CFAP54: variants seen among roughly 807,000 people sequenced by gnomAD.
CFAP54 encodes the protein cilia- and flagella-associated protein 54.
In CFAP54, 290 loss-of-function variants were observed where a neutral mutation model predicts 370.4. The ratio of observed to expected loss-of-function variants is 0.78; its 90% CI spans 0.71 to 0.86. The LOEUF is 0.86. CFAP54 is among the 40% of genes least tolerant of loss of function. The pLI, the probability that CFAP54 is intolerant of heterozygous loss-of-function variation, is 0.00. For missense variants in CFAP54, 3,399 were observed against 3,528.7 expected (o/e 0.96, Z 0.93); for synonymous variants, 1,206 against 1,236.5 (o/e 0.98, Z 0.52).
chr12:96,732,897 CA>C (rs1182844706), intron 50 of CFAP54, among the ~76,000 whole-genome samples: 1 of 152,060 alleles, frequency 6.6e-6, no homozygotes, highest in Admixed American at 6.5e-5. Context: ...AGAGCAACAG[CA>C]GCCCTAGAAA....
chr12:96,501,578 A>G lies in CFAP54; in HGVS notation c.423+639A>G, dbSNP rs549510293. Among the ~76,000 whole-genome samples the G allele has an allele frequency of 7.2e-5, 11 of 152,282 alleles. No homozygotes were observed. In the South Asian group the frequency reaches 2.3e-3, roughly 32 times the overall value. On this transcript the variant is annotated intron_variant, in intron 2 of 67. Transcript: ENST00000524981. ...CACAGCATGGCTGGGTTTTCCATTA[A>G]TGATCATGTGAGTTTCCCCCTTAAA...
chr12:96,638,434 C>T (rs185992557), intron 32 of CFAP54, among the ~76,000 whole-genome samples: 9 of 151,156 alleles, frequency 6.0e-5, no homozygotes, highest in South Asian at 2.1e-4. Context: ...GAGATGGCCT[C>T]GCTATGTTGC....
chr12:96,826,401 A>C (rs937653911), intron 65 of CFAP54, among the ~76,000 whole-genome samples: 5 of 124,786 alleles, frequency 4.0e-5, no homozygotes, highest in African/African-American at 1.2e-4. Context: ...ATATATATTC[A>C]ATATATATAA....
chr12:96,588,026 A>G (rs1362968347), intron 22 of CFAP54, among the ~76,000 whole-genome samples: 3 of 152,228 alleles, frequency 2.0e-5, no homozygotes, highest in Non-Finnish European at 2.9e-5. Flanking sequence ...AAATACAGCA[A>G]TGCACATAAA....
rs746552488 is a variant in CFAP54 at position 96,684,618 on chromosome 12, A to G, written c.5717-30A>G. 8 of 1,551,760 alleles carry G rather than the reference A, an allele frequency of 5.2e-6. 1 individual carries two copies. The East Asian group carries it at 9.0e-5, about 17-fold the overall frequency. ...AAAAAATATTTTTCTAGGAACTGAC[A>G]TTTGTTCTTTTACTTGATTAAAAAT... On this transcript the variant is annotated intron_variant, in intron 40 of 67. Transcript: ENST00000524981.
intron 63 of CFAP54, among the ~76,000 whole-genome samples, chr12:96,809,541 TTCTA>T (rs1160585345): frequency 1.1e-4 from 17 of 152,226 alleles, no homozygotes; most frequent in African/African-American, 3.6e-4. Context: ...GTTGTCTTTC[TTCTA>T]TCTGAGGATA....
chr12:96,723,160 A>G (rs1957779552), intron 50 of CFAP54, among the ~76,000 whole-genome samples: 1 of 152,210 alleles, frequency 6.6e-6, no homozygotes, highest in Non-Finnish European at 1.5e-5. Flanking sequence ...GGAAGTATAT[A>G]TGTCTATTAA....
intron 38 of CFAP54, among the ~76,000 whole-genome samples, chr12:96,662,746 C>T (rs1325789664): frequency 6.6e-6 from 1 of 152,082 alleles, no homozygotes; most frequent in African/African-American, 2.4e-5. Context: ...GTTCCTGCCT[C>T]AGGGTCTTTG....
intron 26 of CFAP54, among the ~76,000 whole-genome samples, chr12:96,611,248 G>A (rs1956355155): frequency 6.6e-6 from 1 of 152,226 alleles, no homozygotes; most frequent in Non-Finnish European, 1.5e-5. Flanking sequence ...CTGTTCTGCA[G>A]CCTCCGCTGC....
At chr12:96,723,794 C>G (rs1373448447) in intron 50 of CFAP54, among the ~76,000 whole-genome samples, 1 of 148,986 alleles carries the variant, frequency 6.7e-6, no homozygotes, top group Non-Finnish European at 1.5e-5. Context: ...TGTCATTTAG[C>G]ATTAGGTATA....
intron 39 of CFAP54, among the ~76,000 whole-genome samples, chr12:96,664,478 C>T (rs1392567671): frequency 3.3e-5 from 5 of 151,834 alleles, no homozygotes; most frequent in Admixed American, 3.3e-4. Context: ...TTTTTTATGA[C>T]TGCATAGTAT....
rs117759367 is a variant in CFAP54, at chr12:96,562,671, T to A, written c.2411-1797T>A. Among the ~76,000 whole-genome samples, 1,225 of 152,224 alleles carry A rather than the reference T, an allele frequency of 8.0e-3. 34 individuals carry two copies. The highest frequency in any genetic ancestry group is 0.057 in the East Asian group (294 of 5,182). Reference sequence around the variant, plus strand: ...TCTCGGAACTCCTGACCTCAAACGATCTGCCCACCTTGGCTTCCCAAAGTG... The same window carrying A: ...TCTCGGAACTCCTGACCTCAAACGAACTGCCCACCTTGGCTTCCCAAAGTG... On this transcript the variant is annotated intron_variant, in intron 17 of 67. Coordinates refer to ENST00000524981, the MANE Select transcript of CFAP54 (RefSeq NM_001306084.2).
At chr12:96,747,152 A>G (rs1390337718) in intron 55 of CFAP54, among the ~76,000 whole-genome samples, 1 of 152,242 alleles carries the variant, frequency 6.6e-6, no homozygotes, top group Admixed American at 6.5e-5. Context: ...CAATCAATCA[A>G]TAATGGTGCT....
intron 39 of CFAP54, among the ~76,000 whole-genome samples, chr12:96,664,783 A>C (rs797006465): frequency 0.019 from 278 of 14,642 alleles, 8 homozygotes; most frequent in South Asian, 0.082. Context: ...ATATCTATAT[A>C]TATATATATA....
Position 96,691,069 on chromosome 12 carries a change from G to T in CFAP54, c.6082-59G>T. 15 of 1,459,240 alleles carry T rather than the reference G, an allele frequency of 1.0e-5. No individual in the cohort carries two copies. In the Admixed American group the frequency reaches 1.9e-4, roughly 19 times the overall value. The allele number at this position is 1,459,240 out of a possible 1,614,324, so 90.4% of individuals were successfully genotyped here. ...AGCAATACATGTATTTATCTTTTTTGTTTCATTATTGAAAATGCTATCTAT... is the reference window on the plus strand; with the variant it reads ...AGCAATACATGTATTTATCTTTTTTTTTTCATTATTGAAAATGCTATCTAT... On this transcript the variant is annotated intron_variant, in intron 43 of 67. Coordinates refer to ENST00000524981, the MANE Select transcript of CFAP54 (RefSeq NM_001306084.2).
intron 55 of CFAP54, among the ~76,000 whole-genome samples, chr12:96,744,799 C>T (rs913064450): frequency 1.1e-4 from 16 of 152,150 alleles, no homozygotes; most frequent in Non-Finnish European, 2.2e-4. Flanking sequence ...CTGCACAGAT[C>T]ATCCTATCTA....
intron 27 of CFAP54, among the ~76,000 whole-genome samples, 154 bp downstream of exon 27, chr12:96,621,875 G>GTTTGTTTTTT (rs1956496257): frequency 1.1e-3 from 54 of 50,024 alleles, no homozygotes; most frequent in Non-Finnish European, 1.5e-3. Flanking sequence ...TTTTGGGTTT[G>GTTTGTTTTTT]TTTTTTTTTT....
At position 96,677,170 on chromosome 12, in the gene CFAP54, C is replaced by G. The variant is rs148740754; in HGVS notation, c.5564-2430C>G. Reference sequence around the variant, plus strand: ...GGCACATGCCCCTGCACCCAGCTAACTTATTTTATTTTATTTTTTTTGTAG... The same window carrying G: ...GGCACATGCCCCTGCACCCAGCTAAGTTATTTTATTTTATTTTTTTTGTAG... On this transcript the variant is annotated intron_variant, in intron 39 of 67. Transcript: ENST00000524981. Among the ~76,000 whole-genome samples, 104 of 131,188 alleles carry G rather than the reference C, an allele frequency of 7.9e-4. 1 individual carries two copies. In the East Asian group the frequency reaches 0.019, roughly 24 times the overall value. 86.1% of individuals were successfully genotyped at this position (131,188 alleles called of 152,430 possible).
intron 23 of CFAP54, among the ~76,000 whole-genome samples, chr12:96,591,945 A>G (rs532473318): frequency 6.6e-6 from 1 of 151,290 alleles, no homozygotes; most frequent in Non-Finnish European, 1.5e-5. Context: ...GAACAAGGAG[A>G]CATCAGGGAT....
Sources: allele counts gnomAD v4.1 joint callset (sites outside exome capture counted in the v4.1 genomes callset), GRCh38; gene constraint gnomAD v4.1.1; transcripts MANE v1.5; gene names NCBI Gene and HGNC (gene_info 2026-07-23, HGNC 2026-07-21).